The following ELOVL6 variants were observed in gnomAD, a reference collection of about 807,000 sequenced individuals.
The protein encoded by ELOVL6 is ELOVL fatty acid elongase 6, also known as very long chain fatty acid elongase 6.
ELOVL6 carries 8 observed loss-of-function variants against 31.7 expected under a neutral mutation model. That is an observed-to-expected ratio of 0.25 (90% confidence interval 0.15 to 0.45). The LOEUF (loss-of-function observed/expected upper bound fraction) is 0.45, where lower values mean the gene tolerates loss of function less well. Among genes scored for constraint, ELOVL6 ranks in the 20% least tolerant of loss-of-function variants. The probability of loss-of-function intolerance (pLI) is 1.00; values close to 1 mark genes in which losing one functional copy is unlikely to be tolerated. For synonymous variants in ELOVL6, 101 were observed against 117.7 expected (o/e 0.86, Z 0.92); for missense variants, 126 against 326.4 (o/e 0.39, Z 4.73).
At chr4:110,128,975 G>A (rs1043464720) in intron 1 of ELOVL6, among the ~76,000 whole-genome samples, 1 of 152,158 alleles carries the variant, frequency 6.6e-6, no homozygotes, top group Non-Finnish European at 1.5e-5. Context: ...TTTTAGGTGG[G>A]TGCAAAAGTT....
At chr4:110,153,990 T>C (rs1344069310) in intron 1 of ELOVL6, among the ~76,000 whole-genome samples, 1 of 152,252 alleles carries the variant, frequency 6.6e-6, no homozygotes, top group Non-Finnish European at 1.5e-5. Flanking sequence ...AGACTTTGTC[T>C]ATTAAAATTA....
intron 1 of ELOVL6, among the ~76,000 whole-genome samples, chr4:110,109,316 A>G (rs1219417252): frequency 1.3e-5 from 2 of 152,344 alleles, no homozygotes; most frequent in Non-Finnish European, 1.5e-5. Flanking sequence ...TAGGTACTTA[A>G]TAAGTACTTT....
At chr4:110,055,979 G>C (rs957350372) in intron 3 of ELOVL6, among the ~76,000 whole-genome samples, 3 of 152,082 alleles carry the variant, frequency 2.0e-5, no homozygotes, top group Admixed American at 6.6e-5. Flanking sequence ...TTTAGTGAAG[G>C]GGGAGTTAGT....
intron 2 of ELOVL6, among the ~76,000 whole-genome samples, chr4:110,062,263 G>A (rs1755162207): frequency 6.6e-6 from 1 of 152,150 alleles, no homozygotes; most frequent in Admixed American, 6.5e-5. Flanking sequence ...ACATATTATT[G>A]TCCCATATCT....
intron 3 of ELOVL6, among the ~76,000 whole-genome samples, chr4:110,058,588 C>T: frequency 6.6e-6 from 1 of 152,116 alleles, no homozygotes; most frequent in Non-Finnish European, 1.5e-5. Context: ...GAAGACTGCT[C>T]ATAGCTTATA....
intron 2 of ELOVL6, among the ~76,000 whole-genome samples, chr4:110,091,752 AC>A (rs1756433451): frequency 7.0e-6 from 1 of 143,278 alleles, no homozygotes; most frequent in African/African-American, 2.7e-5. Context: ...AACAAAAAAT[AC>A]AAAAAGCCAC....
At chr4:110,160,649 A>C (rs1758606171) in intron 1 of ELOVL6, among the ~76,000 whole-genome samples, 1 of 152,248 alleles carries the variant, frequency 6.6e-6, no homozygotes, top group Non-Finnish European at 1.5e-5. Flanking sequence ...TTAAATACTA[A>C]AAATATGCAT....
At chr4:110,092,464 GA>G (rs1756453351) in intron 2 of ELOVL6, among the ~76,000 whole-genome samples, 1 of 152,012 alleles carries the variant, frequency 6.6e-6, no homozygotes, top group Non-Finnish European at 1.5e-5. Context: ...TCTCTTTAAT[GA>G]ACACTAATAC....
At position 110,084,588 on chromosome 4, in the gene ELOVL6, ATTTTTTTTTTT is replaced by A. The variant is rs1168880044; in HGVS notation, c.221+20898_221+20908del. On this transcript the variant is annotated intron_variant, in intron 2 of 3. Coordinates refer to ENST00000302274, the MANE Select transcript of ELOVL6 (RefSeq NM_024090.3). The stretch of plus-strand genomic sequence containing the variant: ...GATATATATATATATATATATATAT[ATTTTTTTTTTT>A]TTTTTTTTTTTTTGAGATGGAGTCT... 3.4e-3 allele frequency among the ~76,000 whole-genome samples: 101 copies of A among 29,634 alleles called. 5 individuals carry two copies. The East Asian group carries it at 0.063, about 18-fold the overall frequency. The allele number at this position is 29,634 out of a possible 152,430, so 19.4% of individuals were successfully genotyped here. A position where few individuals can be genotyped will look rare whatever the true frequency, so the allele number is the denominator to read the frequency against.
intron 1 of ELOVL6, among the ~76,000 whole-genome samples, chr4:110,188,741 A>G (rs1759519298): frequency 6.6e-6 from 1 of 151,960 alleles, no homozygotes; most frequent in Admixed American, 6.6e-5. Flanking sequence ...ATACAAAAAA[A>G]ATTAGCCAGG....
chr4:110,182,520 A>G (rs1028817175), intron 1 of ELOVL6, among the ~76,000 whole-genome samples: 3 of 152,242 alleles, frequency 2.0e-5, no homozygotes, highest in Non-Finnish European at 2.9e-5. Context: ...CATTAAGTAC[A>G]TTATAGTTAA....
At chr4:110,194,815 C>A (rs1245330987) in intron 1 of ELOVL6, among the ~76,000 whole-genome samples, 1 of 152,224 alleles carries the variant, frequency 6.6e-6, no homozygotes, top group Non-Finnish European at 1.5e-5. Context: ...TGGCAAAATA[C>A]TACTCCTGGC....
intron 1 of ELOVL6, among the ~76,000 whole-genome samples, chr4:110,168,016 G>A (rs781417865): frequency 1.3e-4 from 20 of 152,164 alleles, no homozygotes; most frequent in Admixed American, 2.6e-4. Context: ...CCAATTGGAA[G>A]GTATAGTTAG....
At chr4:110,197,087 C>T (rs922027787) in intron 1 of ELOVL6, among the ~76,000 whole-genome samples, 1 of 152,206 alleles carries the variant, frequency 6.6e-6, no homozygotes, top group Non-Finnish European at 1.5e-5. Flanking sequence ...GCGGGGCACG[C>T]GCGCTCGCGC....
At chr4:110,103,357 CA>C (rs1369477726) in intron 2 of ELOVL6, among the ~76,000 whole-genome samples, 1 of 151,800 alleles carries the variant, frequency 6.6e-6, no homozygotes, top group Non-Finnish European at 1.5e-5. Flanking sequence ...TAAAACACAT[CA>C]AAATCATATC....
chr4:110,075,266 T>A (rs1343283408), intron 2 of ELOVL6, among the ~76,000 whole-genome samples: 1 of 152,184 alleles, frequency 6.6e-6, no homozygotes, highest in Non-Finnish European at 1.5e-5. Context: ...CACTTCTGGG[T>A]GTGTATTCAA....
intron 1 of ELOVL6, among the ~76,000 whole-genome samples, chr4:110,107,749 G>A (rs1045357979): frequency 1.3e-5 from 2 of 152,234 alleles, no homozygotes. Context: ...GTTAATGTAG[G>A]TGATAGTAAT....
intron 1 of ELOVL6, among the ~76,000 whole-genome samples, chr4:110,161,041 TG>T (rs1387259669): frequency 2.0e-5 from 3 of 152,226 alleles, no homozygotes; most frequent in Admixed American, 6.5e-5. Context: ...TATTCCCTCT[TG>T]TAATGGTGGT....
chr4:110,182,020 T>C (rs1759288649), intron 1 of ELOVL6, among the ~76,000 whole-genome samples: 1 of 152,220 alleles, frequency 6.6e-6, no homozygotes, highest in African/African-American at 2.4e-5. Context: ...AGCATCTGTT[T>C]CCAGGTGCCA....
Sources: gnomAD v4.1 joint callset for allele counts (sites outside exome capture counted in the v4.1 genomes callset) on GRCh38, gnomAD v4.1.1 for gene constraint, MANE v1.5 for transcripts, NCBI Gene and HGNC (gene_info 2026-07-23, HGNC 2026-07-21) for gene names.